The following ARTN variants were observed in gnomAD, a reference collection of about 807,000 sequenced individuals.
The protein encoded by ARTN is neublastin.
A neutral mutation model predicts 15.4 loss-of-function variants in ARTN; 9 were observed. The ratio of observed to expected loss-of-function variants is 0.58; its 90% confidence interval spans 0.35 to 1.02. The LOEUF (loss-of-function observed/expected upper bound fraction) is 1.02, where lower values mean the gene tolerates loss of function less well. ARTN is among the 50% of genes least tolerant of loss of function. The pLI, the probability that ARTN is intolerant of heterozygous loss-of-function variation, is 0.02. For missense variants in ARTN, 284 were observed against 327.9 expected (o/e 0.87, Z 1.03); for synonymous variants, 163 against 155.8 (o/e 1.05, Z -0.35).
At chr1:43,935,197 G>A (rs190985927) in intron 2 of ARTN, among the ~76,000 whole-genome samples, 4 of 152,264 alleles carry the variant, frequency 2.6e-5, no homozygotes, top group Admixed American at 1.3e-4. Flanking sequence ...CTTCCTCTCC[G>A]GCAGCCTGGG....
At chr1:43,935,955 G>C in intron 3 of ARTN, 138 bp from the exon 4 acceptor site, 1 of 1,260,864 alleles carries the variant, frequency 7.9e-7, no homozygotes, top group Non-Finnish European at 1.1e-6. Context: ...CCCTTCCTGA[G>C]TTTCCCCTCC....
In ARTN at chr1:43,937,119, G is replaced by A; in HGVS notation, c.*354G>A. The A allele has an allele frequency of 4.5e-6, 1 of 219,862 alleles. No homozygotes were observed. The highest frequency in any genetic ancestry group is 8.9e-6 in the Non-Finnish European group (1 of 112,048). The allele number at this position is 219,862 out of a possible 1,614,324, so 13.6% of individuals were successfully genotyped here. ...AGGCATCAGCCCCCGCCCAGGCCCT[G>A]TAGGGACAGCATTTGAAGGACACAT... On this transcript the variant is annotated 3_prime_UTR_variant, in exon 5 of 5. Transcript: ENST00000372359.
rs12726706 is a variant in ARTN, at chr1:43,934,270, G to C, written c.-68+10G>C. On this transcript the variant is annotated intron_variant, in intron 2 of 4. Transcript: ENST00000372359. ...GGTGCAGGACCCCGTGGTGAGTAGC[G>C]GGCTGGTGGATGGGGAGGCAAGGGC... The C allele has an allele frequency of 1.3e-5, 2 of 153,666 alleles. No individual in the cohort carries two copies. Among genetic ancestry groups the C allele is most frequent in the Admixed American group, 6.5e-5 (1 of 15,292 alleles). The allele number at this position is 153,666 out of a possible 1,614,324, so 9.5% of individuals were successfully genotyped here.
chr1:43,935,889 G>A, intron 3 of ARTN, 173 bp downstream of exon 3: 2 of 903,208 alleles, frequency 2.2e-6, no homozygotes, highest in East Asian at 5.3e-5. Context: ...GGTGCACTCA[G>A]GTGATTCCTC....
rs1557624465 is a variant in ARTN, at chr1:43,933,876, C to T, written c.-226C>T. On this transcript the variant is annotated 5_prime_UTR_variant, in exon 1 of 5. Transcript: ENST00000372359. Reference sequence around the variant, plus strand: ...TCGCTGCCACCCGGGCCTGGAGCCCCACACCCGAGGTAAGCCAGCCCACTT... The same window carrying T: ...TCGCTGCCACCCGGGCCTGGAGCCCTACACCCGAGGTAAGCCAGCCCACTT... 6.6e-6 allele frequency: 1 copy of T among 152,410 alleles called. No individual in the cohort carries two copies. The highest frequency in any genetic ancestry group is 1.5e-5 in the Non-Finnish European group (1 of 68,158). The allele number at this position is 152,410 out of a possible 1,614,324, so 9.4% of individuals were successfully genotyped here. A position where few individuals can be genotyped will look rare whatever the true frequency, so the allele number is the denominator to read the frequency against.
Position 43,936,555 on chromosome 1 carries a change from C to T in ARTN, c.453C>T (p.Ser151=), listed in dbSNP as rs2085099811. 2.6e-6 allele frequency: 4 copies of T among 1,540,374 alleles called. No individual in the cohort carries two copies. In the Admixed American group the frequency reaches 7.6e-5, roughly 29 times the overall value. ...AGCTGGTGCGTTTCCGCTTCTGCAG[C>T]GGCTCCTGCCGCCGCGCGCGCTCTC... The part of the protein sequence containing the change: ...SDELVRFRFC[S]GSCRRARSPH... The change falls in exon 5 of 5, where the codon AGC becomes AGT. Residue 151 remains serine (S), a synonymous_variant. Coordinates refer to ENST00000372359, the MANE Select transcript of ARTN (RefSeq NM_057091.3). The surrounding 1 kb of genome is among the most constrained non-coding windows in gnomAD (Gnocchi z 6.6).
In ARTN at chr1:43,936,622, C is replaced by G; in HGVS notation, c.520C>G (p.Leu174Val). 6.3e-7 allele frequency: 1 copy of G among 1,593,848 alleles called. No individual in the cohort carries two copies. Among genetic ancestry groups the G allele is most frequent in the Non-Finnish European group, 8.5e-7 (1 of 1,170,886 alleles). Residue 174 changes from leucine to valine, a missense_variant, in exon 5 of 5, where the codon CTG becomes GTG. Transcript: ENST00000372359. The surrounding 1 kb of genome is among the most constrained non-coding windows in gnomAD (Gnocchi z 6.6). ...GGCCAGCCTACTGGGCGCCGGGGCC[C>G]TGCGACCGCCCCCGGGCTCCCGGCC... ...SLASLLGAGA[L>V]RPPPGSRPVS...
intron 1 of ARTN, 29 bp downstream of exon 1, chr1:43,933,914 TCCC>T (rs963353732): frequency 1.3e-5 from 2 of 152,094 alleles, no homozygotes; most frequent in African/African-American, 2.4e-5. Flanking sequence ...CTGTTTCTGG[TCCC>T]AGCCCTGGAT....
In ARTN at chr1:43,936,069, G is replaced by A; in HGVS notation, c.61-24G>A. 1 of 1,613,268 alleles carries A rather than the reference G, an allele frequency of 6.2e-7. No individual in the cohort carries two copies. The highest frequency in any genetic ancestry group is 8.5e-7 in the Non-Finnish European group (1 of 1,179,926). On this transcript the variant is annotated intron_variant, in intron 3 of 4. Transcript: ENST00000372359. The surrounding 1 kb of genome is among the most constrained non-coding windows in gnomAD (Gnocchi z 6.6). ...CCTGGGTGCCCTCTTTCTCCCTGAGGCTCCACTTGGTCTCTCCGCGCAGCC... is the reference window on the plus strand; with the variant it reads ...CCTGGGTGCCCTCTTTCTCCCTGAGACTCCACTTGGTCTCTCCGCGCAGCC...
In ARTN at chr1:43,935,829, A is replaced by G. The variant is rs2085085589; in HGVS notation, c.60+113A>G. 3 of 1,091,148 alleles carry G rather than the reference A, an allele frequency of 2.7e-6. No homozygotes were observed. In the Admixed American group the frequency reaches 7.2e-5, roughly 26 times the overall value. The allele number at this position is 1,091,148 out of a possible 1,614,324, so 67.6% of individuals were successfully genotyped here. A position where few individuals can be genotyped will look rare whatever the true frequency, so the allele number is the denominator to read the frequency against. On this transcript the variant is annotated intron_variant, in intron 3 of 4. Coordinates refer to ENST00000372359, the MANE Select transcript of ARTN (RefSeq NM_057091.3). ...GTTAGGTGTGGGAGGGAAAATGGTC[A>G]GGGAGGGACCAGGTGAATGGGAGGA...
chr1:43,934,875 G>T (rs141372722), intron 2 of ARTN, among the ~76,000 whole-genome samples: 1 of 152,186 alleles, frequency 6.6e-6, no homozygotes, highest in Non-Finnish European at 1.5e-5. Flanking sequence ...CTGAGGGGAT[G>T]GAAAAGCCCA....
At position 43,936,285 on chromosome 1, in the gene ARTN, A is replaced by C; in HGVS notation, c.200-17A>C. On this transcript the variant is annotated splice_polypyrimidine_tract_variant and intron_variant, in intron 4 of 4. Transcript: ENST00000372359. The surrounding 1 kb of genome is among the most constrained non-coding windows in gnomAD (Gnocchi z 6.6). Reference sequence around the variant, plus strand: ...GGGCTGGCCCGGGACACCGCGCGTGACTGGGTCTCATTCCAGGGGGACGCA... The same window carrying C: ...GGGCTGGCCCGGGACACCGCGCGTGCCTGGGTCTCATTCCAGGGGGACGCA... 1 of 1,381,266 alleles carries C rather than the reference A, an allele frequency of 7.2e-7. No homozygotes were observed. The highest frequency in any genetic ancestry group is 9.3e-7 in the Non-Finnish European group (1 of 1,077,404). The allele number at this position is 1,381,266 out of a possible 1,614,324, so 85.6% of individuals were successfully genotyped here.
In ARTN at chr1:43,934,255, C is replaced by CAG. The variant is rs1236362250; in HGVS notation, c.-73_-72insAG. On this transcript the variant is annotated 5_prime_UTR_variant, in exon 2 of 5. Coordinates refer to ENST00000372359, the MANE Select transcript of ARTN (RefSeq NM_057091.3). ...TGCCTAGAAGAACAAGGTGCAGGAC[C>CAG]CCGTGGTGAGTAGCGGGCTGGTGGA... is the stretch of plus-strand genomic sequence containing the variant. The CAG allele has an allele frequency of 1.3e-5, 2 of 153,856 alleles. No homozygotes were observed. The highest frequency in any genetic ancestry group is 2.9e-5 in the Non-Finnish European group (2 of 69,070). 9.5% of individuals were successfully genotyped at this position (153,856 alleles called of 1,614,324 possible).
intron 3 of ARTN, 182 bp downstream of exon 3, chr1:43,935,898 T>C: frequency 1.1e-6 from 1 of 904,812 alleles, no homozygotes; most frequent in Non-Finnish European, 1.7e-6. Flanking sequence ...AGGTGATTCC[T>C]CCCCTGGGCT....
At position 43,936,603 on chromosome 1, in the gene ARTN, C is replaced by A; in HGVS notation, c.501C>A (p.Ser167Arg). The A allele has an allele frequency of 6.3e-7, 1 of 1,590,712 alleles. No homozygotes were observed. Among genetic ancestry groups the A allele is most frequent in the Non-Finnish European group, 8.5e-7 (1 of 1,169,722 alleles). Residue 167 changes from serine to arginine, a missense_variant, in exon 5 of 5, where the codon AGC becomes AGA. Transcript: ENST00000372359. The surrounding 1 kb of genome is among the most constrained non-coding windows in gnomAD (Gnocchi z 6.6). ...ARSPHDLSLASLLGAGALRPP... is the reference protein window; with the variant it reads ...ARSPHDLSLARLLGAGALRPP... ...CTCCACACGACCTCAGCCTGGCCAG[C>A]CTACTGGGCGCCGGGGCCCTGCGAC...
In ARTN at chr1:43,936,767, G is replaced by A. The variant is rs778741890; in HGVS notation, c.*2G>A. On this transcript the variant is annotated 3_prime_UTR_variant, in exon 5 of 5. Coordinates refer to ENST00000372359, the MANE Select transcript of ARTN (RefSeq NM_057091.3). The surrounding 1 kb of genome is among the most constrained non-coding windows in gnomAD (Gnocchi z 6.6). Reference sequence around the variant, plus strand: ...ACCGCCTGCGGCTGCCTGGGCTGAGGGCTCGCTCCAGGGCTTTGCAGACTG... The same window carrying A: ...ACCGCCTGCGGCTGCCTGGGCTGAGAGCTCGCTCCAGGGCTTTGCAGACTG... 29 of 1,492,220 alleles carry A rather than the reference G, an allele frequency of 1.9e-5. No homozygotes were observed. The highest frequency in any genetic ancestry group is 4.3e-5 in the African/African-American group (3 of 69,364). The allele number at this position is 1,492,220 out of a possible 1,614,324, so 92.4% of individuals were successfully genotyped here.
rs1471311941 is a variant in ARTN at position 43,935,618 on chromosome 1, C to T, written c.-39C>T. On this transcript the variant is annotated 5_prime_UTR_variant, in exon 3 of 5. Transcript: ENST00000372359. ...CCTCAACAGGAGGGTGGGGGAACAG[C>T]TCAACAATGGCTGATGGGCGCTCCT... 1.9e-6 allele frequency: 3 copies of T among 1,606,434 alleles called. No individual in the cohort carries two copies. Among genetic ancestry groups the T allele is most frequent in the Non-Finnish European group, 2.6e-6 (3 of 1,175,856 alleles).
chr1:43,936,308 G>T lies in ARTN; in HGVS notation c.206G>T (p.Arg69Leu). The T allele has an allele frequency of 1.5e-6, 2 of 1,364,798 alleles. No homozygotes were observed. The highest frequency in any genetic ancestry group is 1.9e-6 in the Non-Finnish European group (2 of 1,068,350). The allele number at this position is 1,364,798 out of a possible 1,614,324, so 84.5% of individuals were successfully genotyped here. A position where few individuals can be genotyped will look rare whatever the true frequency, so the allele number is the denominator to read the frequency against. ...ASPAGHLPGG[R>L]TARWCSGRAR... is the part of the protein sequence containing the mutation. The stretch of plus-strand genomic sequence containing the variant: ...TGACTGGGTCTCATTCCAGGGGGAC[G>T]CACGGCCCGCTGGTGCAGTGGAAGA... The change falls in exon 5 of 5, where the codon CGC becomes CTC. Residue 69 changes from arginine (R) to leucine (L), a missense_variant. Transcript: ENST00000372359. The surrounding 1 kb of genome is among the most constrained non-coding windows in gnomAD (Gnocchi z 6.6).
chr1:43,936,027 C>T lies in ARTN; in HGVS notation c.61-66C>T, dbSNP rs1432134851. 2 of 1,610,368 alleles carry T rather than the reference C, an allele frequency of 1.2e-6. No individual in the cohort carries two copies. Among genetic ancestry groups the T allele is most frequent in the Middle Eastern group, 3.3e-4 (2 of 6,062 alleles). On this transcript the variant is annotated intron_variant, in intron 3 of 4. Coordinates refer to ENST00000372359, the MANE Select transcript of ARTN (RefSeq NM_057091.3). The surrounding 1 kb of genome is among the most constrained non-coding windows in gnomAD (Gnocchi z 6.6). ...CCGAGGACAGCCCCTCCTTGAGGTCCTTCCTCCCCAAGCCCACCTGGGTGC... is the reference window on the plus strand; with the variant it reads ...CCGAGGACAGCCCCTCCTTGAGGTCTTTCCTCCCCAAGCCCACCTGGGTGC...
Sources: allele counts gnomAD v4.1 joint callset (sites outside exome capture counted in the v4.1 genomes callset), GRCh38; gene constraint gnomAD v4.1.1; non-coding constraint Gnocchi (gnomAD v3.1); transcripts MANE v1.5; gene names NCBI Gene and HGNC (gene_info 2026-07-23, HGNC 2026-07-21).